The following DOCK3 variants were observed in gnomAD, a reference collection of about 807,000 sequenced individuals.
The protein encoded by DOCK3 is dedicator of cytokinesis protein 3.
Under a neutral mutation model 265.6 loss-of-function variants are expected in DOCK3, and 60 were observed. That is an observed-to-expected ratio of 0.23 (90% CI 0.18 to 0.28). DOCK3 has a LOEUF of 0.28. DOCK3 is among the 10% of genes least tolerant of loss of function. The pLI is 1.00. For missense variants in DOCK3, 1,981 were observed against 2,594.3 expected (o/e 0.76, Z 5.14); for synonymous variants, 881 against 938.0 (o/e 0.94, Z 1.11).
intron 9 of DOCK3, among the ~76,000 whole-genome samples, chr3:51,091,141 G>T (rs1482242071): frequency 1.3e-5 from 2 of 152,192 alleles, no homozygotes; most frequent in Non-Finnish European, 2.9e-5. Context: ...ATGGCTCCTA[G>T]TATGTGCCCT....
chr3:51,227,887 G>A (rs1208246895), intron 16 of DOCK3, 95 bp from the exon 17 acceptor site: 2 of 1,221,354 alleles, frequency 1.6e-6, no homozygotes, highest in East Asian at 4.9e-5. Flanking sequence ...AAAGAGGCGA[G>A]GAACAAAAGA....
At chr3:50,874,444 T>C (rs2047597951) in intron 3 of DOCK3, among the ~76,000 whole-genome samples, 1 of 151,786 alleles carries the variant, frequency 6.6e-6, no homozygotes, top group African/African-American at 2.4e-5. Context: ...AGTTTAAGGC[T>C]GCAGTGAGCT....
At chr3:51,173,913 G>A (rs1237612808) in intron 12 of DOCK3, among the ~76,000 whole-genome samples, 1 of 151,776 alleles carries the variant, frequency 6.6e-6, no homozygotes, top group Middle Eastern at 3.2e-3. Flanking sequence ...CCTCCTTCTG[G>A]GACAAATATA....
intron 5 of DOCK3, among the ~76,000 whole-genome samples, chr3:50,939,832 A>T (rs943990962): frequency 1.3e-5 from 2 of 152,176 alleles, no homozygotes; most frequent in African/African-American, 4.8e-5. Context: ...CAACACTCCT[A>T]TCAACACAAT....
intron 5 of DOCK3, among the ~76,000 whole-genome samples, chr3:50,996,439 A>G (rs915048907): frequency 1.3e-5 from 2 of 151,730 alleles, no homozygotes; most frequent in Admixed American, 6.6e-5. Flanking sequence ...GGATGATCTC[A>G]ATCTCCTAAC....
chr3:50,878,132 A>G (rs933726091), intron 3 of DOCK3, among the ~76,000 whole-genome samples: 2 of 152,212 alleles, frequency 1.3e-5, no homozygotes, highest in African/African-American at 4.8e-5. Context: ...CGTCACCATC[A>G]TCAAAGATCA....
chr3:50,862,962 C>T (rs547332757), intron 3 of DOCK3, among the ~76,000 whole-genome samples: 9 of 152,314 alleles, frequency 5.9e-5, no homozygotes, highest in Admixed American at 2.0e-4. Flanking sequence ...CTGCAACAAT[C>T]GATGGGAGCA....
intron 18 of DOCK3, 136 bp downstream of exon 18, chr3:51,228,968 G>C: frequency 8.6e-7 from 1 of 1,162,772 alleles, no homozygotes; most frequent in Non-Finnish European, 1.2e-6. Flanking sequence ...ATTTGAAGTT[G>C]AAGCGATCAC....
intron 5 of DOCK3, among the ~76,000 whole-genome samples, chr3:50,959,905 C>T (rs116149163): frequency 6.6e-6 from 1 of 152,244 alleles, no homozygotes; most frequent in African/African-American, 2.4e-5. Context: ...TTTAAGATTC[C>T]ACATGTAAGT....
At chr3:51,163,549 A>G (rs2107554323) in intron 12 of DOCK3, among the ~76,000 whole-genome samples, 1 of 152,272 alleles carries the variant, frequency 6.6e-6, no homozygotes, top group Non-Finnish European at 1.5e-5. Flanking sequence ...CCCGAAGGAC[A>G]AGGGGTCACA....
chr3:50,859,576 C>G (rs1047107428), intron 3 of DOCK3, among the ~76,000 whole-genome samples: 6 of 151,924 alleles, frequency 3.9e-5, no homozygotes, highest in African/African-American at 1.5e-4. Context: ...TTGATTTTTT[C>G]TCATCTCTGC....
intron 22 of DOCK3, among the ~76,000 whole-genome samples, chr3:51,250,129 A>G (rs2079121808): frequency 6.6e-6 from 1 of 151,888 alleles, no homozygotes; most frequent in African/African-American, 2.4e-5. Context: ...AGGGACACAA[A>G]TGCTGCGGAA....
At chr3:51,087,860 A>G (rs959123853) in intron 7 of DOCK3, among the ~76,000 whole-genome samples, 1 of 152,194 alleles carries the variant, frequency 6.6e-6, no homozygotes, top group African/African-American at 2.4e-5. Flanking sequence ...AAAAAACAAA[A>G]CAGAACCACC....
intron 1 of DOCK3, among the ~76,000 whole-genome samples, chr3:50,690,025 G>A (rs2035099873): frequency 6.6e-6 from 1 of 151,986 alleles, no homozygotes; most frequent in African/African-American, 2.4e-5. Flanking sequence ...GTGGTGTCAT[G>A]CTACGAAACT....
At chr3:51,277,897 T>C (rs1253974906) in intron 26 of DOCK3, 143 bp downstream of exon 26, 4 of 1,502,816 alleles carry the variant, frequency 2.7e-6, no homozygotes, top group Non-Finnish European at 3.6e-6. Context: ...CCTCTTCCCT[T>C]CTTGAGTCTG....
chr3:50,766,276 C>G (rs1576372757), intron 1 of DOCK3, among the ~76,000 whole-genome samples: 1 of 123,058 alleles, frequency 8.1e-6, no homozygotes. Flanking sequence ...TCCCCCCTCC[C>G]CCCACCCCAC....
intron 2 of DOCK3, 55 bp downstream of exon 2, chr3:50,778,813 T>C (rs1276394550): frequency 8.0e-7 from 1 of 1,244,918 alleles, no homozygotes; most frequent in African/African-American, 1.5e-5. Flanking sequence ...CAGTATTATA[T>C]ACATTTATTT....
chr3:51,157,592 C>G (rs2107488651), intron 10 of DOCK3, among the ~76,000 whole-genome samples: 1 of 152,194 alleles, frequency 6.6e-6, no homozygotes, highest in East Asian at 1.9e-4. Flanking sequence ...TGTTTAAGGC[C>G]ATTTAATAGG....
intron 5 of DOCK3, among the ~76,000 whole-genome samples, chr3:51,004,614 A>G (rs1310471715): frequency 6.6e-6 from 1 of 152,016 alleles, no homozygotes; most frequent in African/African-American, 2.4e-5. Flanking sequence ...GAATGATTGT[A>G]GTAGATAATT....
Sources: allele counts gnomAD v4.1 joint callset (sites outside exome capture counted in the v4.1 genomes callset), GRCh38; gene constraint gnomAD v4.1.1; transcripts MANE v1.5; gene names NCBI Gene and HGNC (gene_info 2026-07-23, HGNC 2026-07-21).